CA10: variants seen among roughly 807,000 people sequenced by gnomAD.
CA10 encodes the protein carbonic anhydrase-related protein 10.
A neutral mutation model predicts 44.2 loss-of-function variants in CA10; 14 were observed. That is an observed-to-expected ratio of 0.32 (90% confidence interval 0.21 to 0.50). The LOEUF (loss-of-function observed/expected upper bound fraction) is 0.50. Among genes scored for constraint, CA10 ranks in the 20% least tolerant of loss-of-function variants. The probability of loss-of-function intolerance (pLI) is 0.99; values close to 1 mark genes in which losing one functional copy is unlikely to be tolerated. For synonymous variants in CA10, 159 were observed against 141.6 expected (o/e 1.12, Z -0.87); for missense variants, 350 against 409.7 (o/e 0.85, Z 1.26).
chr17:52,101,923 TTC>T (rs974725788), intron 1 of CA10, among the ~76,000 whole-genome samples: 4 of 152,194 alleles, frequency 2.6e-5, no homozygotes, highest in South Asian at 2.1e-4. Context: ...TCCATTTTTT[TTC>T]TCTTTCTCTT....
intron 4 of CA10, among the ~76,000 whole-genome samples, chr17:51,664,073 G>C (rs1377773079): frequency 1.3e-5 from 2 of 152,126 alleles, no homozygotes; most frequent in African/African-American, 4.8e-5. Flanking sequence ...GGGCATTTTT[G>C]TTAAATATTA....
intron 2 of CA10, among the ~76,000 whole-genome samples, chr17:52,055,120 G>T (rs1038654282): frequency 1.1e-4 from 17 of 152,144 alleles, no homozygotes; most frequent in African/African-American, 3.9e-4. Flanking sequence ...AGCCAGTAAG[G>T]CCTGGTCTGG....
intron 3 of CA10, among the ~76,000 whole-genome samples, chr17:51,902,369 C>G (rs76543841): frequency 0.01 from 1,547 of 152,224 alleles, 22 homozygotes; most frequent in African/African-American, 0.035. Context: ...TAAGTCACCT[C>G]AGGTGTCATG....
At chr17:51,649,097 G>C in intron 6 of CA10, 85 bp downstream of exon 6, 2 of 886,890 alleles carry the variant, frequency 2.3e-6, no homozygotes, top group Non-Finnish European at 3.8e-6. Context: ...AGGGCCCATG[G>C]AGATCATCAG....
intron 1 of CA10, among the ~76,000 whole-genome samples, chr17:52,146,671 AAAATAAAT>A (rs138199238): frequency 6.7e-6 from 1 of 149,444 alleles, no homozygotes; most frequent in Non-Finnish European, 1.5e-5. Flanking sequence ...ACTCCGTCTC[AAAATAAAT>A]AAATAAATAA....
chr17:51,991,402 C>T (rs1211771279), intron 2 of CA10, among the ~76,000 whole-genome samples: 1 of 152,040 alleles, frequency 6.6e-6, no homozygotes, highest in Non-Finnish European at 1.5e-5. Flanking sequence ...ATGCAATGAC[C>T]CCTGTATTTA....
chr17:52,101,138 A>T (rs925604420), intron 1 of CA10, among the ~76,000 whole-genome samples: 4 of 152,178 alleles, frequency 2.6e-5, no homozygotes, highest in Non-Finnish European at 5.9e-5. Flanking sequence ...TTTTTTGGGT[A>T]CATGTTGATG....
chr17:52,149,772 G>T (rs1245243445), intron 1 of CA10, among the ~76,000 whole-genome samples: 2 of 152,108 alleles, frequency 1.3e-5, no homozygotes, highest in Admixed American at 1.3e-4. Context: ...TTATTCCAAA[G>T]CTTCTGGGAA....
intron 1 of CA10, among the ~76,000 whole-genome samples, chr17:52,131,630 C>A (rs908372945): frequency 2.0e-5 from 3 of 152,114 alleles, no homozygotes; most frequent in African/African-American, 7.2e-5. Flanking sequence ...TTGTAGAGAG[C>A]TTTCAGTACT....
At chr17:51,735,231 T>C (rs1916861831) in intron 4 of CA10, among the ~76,000 whole-genome samples, 2 of 152,178 alleles carry the variant, frequency 1.3e-5, no homozygotes, top group African/African-American at 4.8e-5. Flanking sequence ...AACAGAATCA[T>C]GTCTTTTGCA....
chr17:52,027,942 C>T (rs182923650), intron 2 of CA10, among the ~76,000 whole-genome samples: 3 of 152,100 alleles, frequency 2.0e-5, no homozygotes, highest in Non-Finnish European at 2.9e-5. Flanking sequence ...TTCTGGGATC[C>T]TACTTTCAAC....
intron 4 of CA10, among the ~76,000 whole-genome samples, chr17:51,731,987 T>C (rs1916739954): frequency 6.6e-6 from 1 of 152,204 alleles, no homozygotes; most frequent in East Asian, 1.9e-4. Context: ...TCATACTAAC[T>C]CATTTTATCC....
At chr17:52,007,908 C>T (rs573529973) in intron 2 of CA10, among the ~76,000 whole-genome samples, 5 of 151,624 alleles carry the variant, frequency 3.3e-5, no homozygotes, top group Non-Finnish European at 5.9e-5. Context: ...ACTAAGTTTT[C>T]AAGCAACTTT....
chr17:51,871,219 TG>T (rs1979794903), intron 3 of CA10, among the ~76,000 whole-genome samples: 1 of 150,974 alleles, frequency 6.6e-6, no homozygotes, highest in Non-Finnish European at 1.5e-5. Context: ...CAACCATGCC[TG>T]GCTTGCTTAT....
At chr17:52,146,742 A>G (rs1217376553) in intron 1 of CA10, among the ~76,000 whole-genome samples, 2 of 152,070 alleles carry the variant, frequency 1.3e-5, no homozygotes, top group African/African-American at 4.8e-5. Flanking sequence ...AATGTGACTG[A>G]CCAGAAAGGA....
At chr17:51,863,588 C>A (rs762278154) in intron 3 of CA10, among the ~76,000 whole-genome samples, 3 of 152,302 alleles carry the variant, frequency 2.0e-5, no homozygotes, top group African/African-American at 4.8e-5. Flanking sequence ...ACTTAAGATG[C>A]CAGTCACAAG....
intron 3 of CA10, among the ~76,000 whole-genome samples, chr17:51,834,908 T>C (rs1373983548): frequency 6.6e-6 from 1 of 152,060 alleles, no homozygotes; most frequent in Admixed American, 6.6e-5. Context: ...GGGCAGAGGA[T>C]CAGTATGACA....
At chr17:51,653,855 C>T (rs893344079) in intron 4 of CA10, 119 bp from the exon 5 acceptor site, 7 of 662,394 alleles carry the variant, frequency 1.1e-5, no homozygotes, top group Non-Finnish European at 1.9e-5. Flanking sequence ...ATTTGGAAGA[C>T]AATTTTAATT....
chr17:52,110,566 T>C (rs1988768015), intron 1 of CA10, among the ~76,000 whole-genome samples: 1 of 152,206 alleles, frequency 6.6e-6, no homozygotes, highest in Non-Finnish European at 1.5e-5. Flanking sequence ...TTTGGGTGTC[T>C]GCGATTTACC....
Sources: gnomAD v4.1 joint callset for allele counts (sites outside exome capture counted in the v4.1 genomes callset) on GRCh38, gnomAD v4.1.1 for gene constraint, MANE v1.5 for transcripts, NCBI Gene and HGNC (gene_info 2026-07-23, HGNC 2026-07-21) for gene names.